KRT6C: variants seen among roughly 807,000 people sequenced by gnomAD.
KRT6C encodes the protein keratin, type II cytoskeletal 6C.
Under a neutral mutation model 49.4 loss-of-function variants are expected in KRT6C, and 46 were observed. The ratio of observed to expected loss-of-function variants is 0.93; its 90% CI spans 0.74 to 1.19. The LOEUF (loss-of-function observed/expected upper bound fraction) is 1.19, where lower values mean the gene tolerates loss of function less well. KRT6C is among the 50% of genes most tolerant of loss of function. The pLI is 0.00. For synonymous variants in KRT6C, 236 were observed against 297.1 expected, an observed-to-expected ratio of 0.79 and a Z score of 2.12; for missense variants, 552 against 737.5, an observed-to-expected ratio of 0.75 and a Z score of 2.91.
chr12:52,470,247 C>T (rs12427152), intron 6 of KRT6C: 137,132 of 617,886 alleles, frequency 0.22, 15,809 homozygotes, highest in Admixed American at 0.32. Flanking sequence ...TTAAAATATA[C>T]AAAATTATGA....
In KRT6C at chr12:52,472,208, T is replaced by C. The variant is rs1592178016; in HGVS notation, c.613A>G (p.Thr205Ala). 1.4e-6 allele frequency: 2 copies of C among 1,479,696 alleles called. No individual in the cohort carries two copies. The highest frequency in any genetic ancestry group is 5.7e-5 in the East Asian group (2 of 35,166). The allele number at this position is 1,479,696 out of a possible 1,614,324, so 91.7% of individuals were successfully genotyped here. Residue 205 changes from threonine (T) to alanine (A), a missense_variant, in exon 2 of 9, where the codon ACT becomes GCT. This residue lies in a region of KRT6C where 54 missense variants were observed against 195.9 expected (regional missense o/e 0.28). Coordinates refer to ENST00000252250, the MANE Select transcript of KRT6C (RefSeq NM_173086.5). Reference protein sequence around the residue: ...WTLLQEQGTKTVRQNLEPLFE... With the variant: ...WTLLQEQGTKAVRQNLEPLFE... ...AACGGCTCCAGGTTCTGCCTCACAG[T>C]CTTGGTGCCCTGCTCCTGCAGCAGG...
Position 52,468,845 on chromosome 12 carries a change from T to G in KRT6C, c.*217A>C, listed in dbSNP as rs1174533968. The G allele has an allele frequency of 1.6e-6, 1 of 614,730 alleles. No individual in the cohort carries two copies. Among genetic ancestry groups the G allele is most frequent in the South Asian group, 2.1e-5 (1 of 48,560 alleles). 38.1% of individuals were successfully genotyped at this position (614,730 alleles called of 1,614,324 possible). On this transcript the variant is annotated 3_prime_UTR_variant, in exon 9 of 9. Coordinates refer to ENST00000252250, the MANE Select transcript of KRT6C (RefSeq NM_173086.5). ...TGAAGCTCCATTGGTGAATACATTA[T>G]GATGTAAAATCAAAGGTTGATCTGA...
chr12:52,470,730 T>A (rs543283016), intron 5 of KRT6C, 100 bp from the exon 6 acceptor site: 112 of 1,610,936 alleles, frequency 7.0e-5, no homozygotes, highest in South Asian at 6.8e-4. Context: ...GTGGACCTAA[T>A]GGCTTCTCCT....
intron 7 of KRT6C, 70 bp downstream of exon 7, chr12:52,469,600 G>A: frequency 6.2e-7 from 1 of 1,613,658 alleles, no homozygotes; most frequent in South Asian, 1.1e-5. Context: ...GTGCACCCTA[G>A]AATTGTGCTC....
rs1451084264 is a variant in KRT6C, at chr12:52,473,099, C to G, written c.540+99G>C. ...CACTCTCTGCAGAGCTGGGCTGAAT[C>G]CCCTTCTCCCTCCCTCCTAGGTCTC... is the stretch of plus-strand genomic sequence containing the variant. On this transcript the variant is annotated intron_variant, in intron 1 of 8. Coordinates refer to ENST00000252250, the MANE Select transcript of KRT6C (RefSeq NM_173086.5). The G allele has an allele frequency of 7.5e-6, 10 of 1,326,500 alleles. 1 individual carries two copies. Among genetic ancestry groups the G allele is most frequent in the Non-Finnish European group, 1.1e-5 (10 of 945,190 alleles). 82.2% of individuals were successfully genotyped at this position (1,326,500 alleles called of 1,614,324 possible).
Position 52,468,969 on chromosome 12 carries a change from T to A in KRT6C, c.*93A>T. The A allele has an allele frequency of 1.3e-6, 2 of 1,530,944 alleles. No homozygotes were observed. Among genetic ancestry groups the A allele is most frequent in the Non-Finnish European group, 1.8e-6 (2 of 1,110,904 alleles). 94.8% of individuals were successfully genotyped at this position (1,530,944 alleles called of 1,614,324 possible). ...CTCTACCTCGGAGAGCAGGGAAGAC[T>A]AGAGGCCAGGAGAGGATAGGCAACC... On this transcript the variant is annotated 3_prime_UTR_variant, in exon 9 of 9. Transcript: ENST00000252250.
At chr12:52,471,773 T>C in intron 2 of KRT6C, 41 bp from the exon 3 acceptor site, 5 of 1,613,362 alleles carry the variant, frequency 3.1e-6, no homozygotes, top group Non-Finnish European at 4.2e-6. Flanking sequence ...AGCCAGTGGG[T>C]AGGATGAAAC....
intron 6 of KRT6C, 132 bp downstream of exon 6, chr12:52,470,373 G>T: frequency 6.6e-7 from 1 of 1,511,080 alleles, no homozygotes; most frequent in Non-Finnish European, 9.1e-7. Context: ...TCTCACTGAG[G>T]GCAAGAACTA....
chr12:52,468,774 G>A lies in KRT6C; in HGVS notation c.*288C>T, dbSNP rs1937815812. On this transcript the variant is annotated 3_prime_UTR_variant, in exon 9 of 9. Transcript: ENST00000252250. ...CATTTTCTTATAATGCTCAGCCTCA[G>A]AGAGAACAATTTTGGAGGCAAGAAA... 15 of 485,318 alleles carry A rather than the reference G, an allele frequency of 3.1e-5. No homozygotes were observed. In the South Asian group the frequency reaches 4.0e-4, roughly 13 times the overall value. The allele number at this position is 485,318 out of a possible 1,614,324, so 30.1% of individuals were successfully genotyped here.
intron 6 of KRT6C, chr12:52,470,203 A>G (rs1937850341): frequency 1.7e-6 from 1 of 600,120 alleles, no homozygotes; most frequent in South Asian, 2.0e-5. Flanking sequence ...CAAAACTACA[A>G]GAATGATTTT....
rs143318086 is a variant in KRT6C at position 52,471,287 on chromosome 12, G to A, written c.922C>T (p.Gln308Ter). The change falls in exon 5 of 9, where the codon CAG (glutamine) becomes TAG (stop). Residue 308 changes from glutamine (Q) to a stop codon, truncating the protein, a stop_gained. Transcript: ENST00000252250. LOFTEE classifies it high-confidence loss of function. ...GTGTCTGAGATGTGGGTCTGCATCT[G>A]GGACAGCTCCTGCAGAACAGAAGGT... is the stretch of plus-strand genomic sequence containing the variant. ...LRALYDAELS[Q>*]MQTHISDTSV... 31 of 1,614,058 alleles carry A rather than the reference G, an allele frequency of 1.9e-5. No homozygotes were observed. Among genetic ancestry groups the A allele is most frequent in the Non-Finnish European group, 2.5e-5 (29 of 1,180,044 alleles).
In KRT6C at chr12:52,473,769, G is replaced by T. The variant is rs773898260; in HGVS notation, c.-32C>A. On this transcript the variant is annotated 5_prime_UTR_variant, in exon 1 of 9. Transcript: ENST00000252250. ...AGGAGATGAGAGGGCTGTGGCGAGCGTTGGAGGCTGGAGGCGAGAGGCAGG... is the reference window on the plus strand; with the variant it reads ...AGGAGATGAGAGGGCTGTGGCGAGCTTTGGAGGCTGGAGGCGAGAGGCAGG... 1 of 1,614,070 alleles carries T rather than the reference G, an allele frequency of 6.2e-7. No homozygotes were observed. The highest frequency in any genetic ancestry group is 8.5e-7 in the Non-Finnish European group (1 of 1,180,040).
rs532877580 is a variant in KRT6C, at chr12:52,473,698, T to G, written c.40A>C (p.Ser14Arg). 2 of 1,613,724 alleles carry G rather than the reference T, an allele frequency of 1.2e-6. No homozygotes were observed. Among genetic ancestry groups the G allele is most frequent in the African/African-American group, 2.7e-5 (2 of 74,976 alleles). The stretch of plus-strand genomic sequence containing the variant: ...GAGTTGGCACTGAAACCCCGGCGGC[T>G]GCTGCTGTGGCTCCTGATGGTGGTG... ...TSTTIRSHSS[S>R]RRGFSANSAR... is the part of the protein sequence containing the mutation. The change falls in exon 1 of 9, where the codon AGC becomes CGC. Residue 14 changes from serine to arginine, a missense_variant. Physicochemically the swap from Ser to Arg is moderately radical, Grantham distance 110. Transcript: ENST00000252250.
rs546062120 is a variant in KRT6C at position 52,469,796 on chromosome 12, G to T, written c.1298C>A (p.Ala433Asp). Residue 433 changes from alanine (A) to aspartate (D), a missense_variant, in exon 7 of 9, where the codon GCC becomes GAC. This residue lies in a region of KRT6C where 425 missense variants were observed against 439.4 expected (regional missense o/e 0.97). Transcript: ENST00000252250. ...AKNKLEGLED[A>D]LQKAKQDLAR... ...CAGGTCCTGCTTGGCCTTCTGCAGG[G>T]CATCCTCCAGCCCTTCCAGCTTGTT... is the stretch of plus-strand genomic sequence containing the variant. 1 of 1,614,078 alleles carries T rather than the reference G, an allele frequency of 6.2e-7. No individual in the cohort carries two copies. Among genetic ancestry groups the T allele is most frequent in the East Asian group, 2.2e-5 (1 of 44,870 alleles).
rs1389492815 is a variant in KRT6C, at chr12:52,473,772, G to T, written c.-35C>A. ...AGATGAGAGGGCTGTGGCGAGCGTTGGAGGCTGGAGGCGAGAGGCAGGAGA... is the reference window on the plus strand; with the variant it reads ...AGATGAGAGGGCTGTGGCGAGCGTTTGAGGCTGGAGGCGAGAGGCAGGAGA... On this transcript the variant is annotated 5_prime_UTR_variant, in exon 1 of 9. Coordinates refer to ENST00000252250, the MANE Select transcript of KRT6C (RefSeq NM_173086.5). The T allele has an allele frequency of 6.2e-7, 1 of 1,614,034 alleles. No homozygotes were observed. Among genetic ancestry groups the T allele is most frequent in the East Asian group, 2.2e-5 (1 of 44,868 alleles).
In KRT6C at chr12:52,468,517, T is replaced by C. The variant is rs1350433441; in HGVS notation, c.*545A>G. The C allele has an allele frequency of 6.2e-6, 1 of 160,534 alleles. No homozygotes were observed. The highest frequency in any genetic ancestry group is 1.8e-4 in the East Asian group (1 of 5,530). 9.9% of individuals were successfully genotyped at this position (160,534 alleles called of 1,614,324 possible). On this transcript the variant is annotated 3_prime_UTR_variant, in exon 9 of 9. Coordinates refer to ENST00000252250, the MANE Select transcript of KRT6C (RefSeq NM_173086.5). ...CTGAAGAAATATTGGTACCATGCAT[T>C]ATTCTAAAACCTGCTTTATTTAGAA...
At chr12:52,471,604 G>T in intron 3 of KRT6C, 68 bp downstream of exon 3, 2 of 1,421,026 alleles carry the variant, frequency 1.4e-6, no homozygotes, top group Non-Finnish European at 9.8e-7. Context: ...TCTCTCCCAG[G>T]GGAGCGAGGA....
intron 8 of KRT6C, 29 bp from the exon 9 acceptor site, chr12:52,469,326 G>C: frequency 6.2e-7 from 1 of 1,614,038 alleles, no homozygotes. Flanking sequence ...AAGGACACAA[G>C]AAGCCACGGT....
chr12:52,471,219 C>T lies in KRT6C; in HGVS notation c.990G>A (p.Leu330=). The T allele has an allele frequency of 6.2e-7, 1 of 1,614,138 alleles. No individual in the cohort carries two copies. The highest frequency in any genetic ancestry group is 8.5e-7 in the Non-Finnish European group (1 of 1,180,028). The change falls in exon 5 of 9, where the codon CTG becomes CTA. Residue 330 remains leucine (L), a synonymous_variant. Transcript: ENST00000252250. ...CCTTGACCTCAGCGATGATGCTGTC[C>T]AGGTCCAGGTTGCGGTTGTTGTCCA... ...LSMDNNRNLD[L]DSIIAEVKAQ... is the part of the protein sequence containing the mutation.
Sources: allele counts gnomAD v4.1 joint callset, GRCh38; gene constraint gnomAD v4.1.1; regional missense constraint gnomAD v4.1.1; transcripts MANE v1.5; gene names NCBI Gene and HGNC (gene_info 2026-07-23, HGNC 2026-07-21).